The following PPP2R3B variants were observed in gnomAD, a reference collection of about 807,000 sequenced individuals.
PPP2R3B encodes the protein protein phosphatase 2 regulatory subunit B''beta.
PPP2R3B carries 68 observed loss-of-function variants against 72.9 expected under a neutral mutation model. The observed-to-expected ratio is 0.93, with a 90% CI of 0.77 to 1.14. PPP2R3B has a LOEUF of 1.14. PPP2R3B is among the 50% of genes most tolerant of loss of function. PPP2R3B has a pLI of 0.00. For synonymous variants in PPP2R3B, 466 were observed against 375.8 expected (o/e 1.24, Z -2.78); for missense variants, 1,018 against 842.0 (o/e 1.21, Z -2.59).
intron 2 of PPP2R3B, among the ~76,000 whole-genome samples, chrX:354,285 C>T (rs1221276411): frequency 2.8e-5 from 4 of 141,548 alleles, no homozygotes; most frequent in Admixed American, 1.4e-4. Flanking sequence ...ACCCAAACAC[C>T]GGGGCTGCCT....
intron 12 of PPP2R3B, chrX:338,204 G>A (rs2070942388): frequency 5.6e-6 from 2 of 359,474 alleles, no homozygotes; most frequent in South Asian, 3.4e-5. Context: ...GCCTCTCAGG[G>A]CCTCCAAGGC....
chrX:372,784 C>T (rs1476292730), intron 1 of PPP2R3B, among the ~76,000 whole-genome samples: 2 of 152,140 alleles, frequency 1.3e-5, no homozygotes, highest in African/African-American at 4.8e-5. Context: ...ATGGTGAAAC[C>T]CCGTCCCTAC....
chrX:361,923 T>A (rs2071550469), intron 1 of PPP2R3B, among the ~76,000 whole-genome samples: 1 of 151,784 alleles, frequency 6.6e-6, no homozygotes, highest in East Asian at 2.0e-4. Context: ...CACTCCCGAT[T>A]CCCATGAGCC....
intron 2 of PPP2R3B, among the ~76,000 whole-genome samples, chrX:355,235 TA>T: frequency 6.6e-6 from 1 of 152,244 alleles, no homozygotes. Context: ...ACAATCATAT[TA>T]AAGTAAAAAA....
Position 370,459 on chromosome X carries a change from G to A in PPP2R3B, c.325-8869C>T, listed in dbSNP as rs188311482. On this transcript the variant is annotated intron_variant, in intron 1 of 12. Coordinates refer to ENST00000390665, the MANE Select transcript of PPP2R3B (RefSeq NM_013239.5). ...ACAGAGCTCGGAAGGCTGGGCTGGG[G>A]GACGTGGGGATCATTCTGTCCACCA... Among the ~76,000 whole-genome samples, 1,274 of 152,270 alleles carry A rather than the reference G, an allele frequency of 8.4e-3. 13 individuals carry two copies. The highest frequency in any genetic ancestry group is 0.029 in the African/African-American group (1,213 of 41,560).
chrX:349,349 G>T (rs950354606), intron 2 of PPP2R3B, among the ~76,000 whole-genome samples: 25 of 151,982 alleles, frequency 1.6e-4, no homozygotes, highest in African/African-American at 6.0e-4. Flanking sequence ...TCTTGCTGGT[G>T]ACAAGCTGCC....
intron 3 of PPP2R3B, 25 bp downstream of exon 3, chrX:347,565 G>GC (rs1373318602): frequency 6.4e-7 from 1 of 1,555,782 alleles, no homozygotes; most frequent in Non-Finnish European, 8.7e-7. Flanking sequence ...TCCCGACACA[G>GC]CCCCCTGCCC....
chrX:374,377 C>T (rs1440313332), intron 1 of PPP2R3B, among the ~76,000 whole-genome samples: 2 of 152,236 alleles, frequency 1.3e-5, no homozygotes, highest in African/African-American at 2.4e-5. Context: ...CAAAGCGCGC[C>T]GGCATCTCCG....
chrX:384,282 CTATA>C (rs57842842), intron 1 of PPP2R3B, among the ~76,000 whole-genome samples: 7 of 140,086 alleles, frequency 5.0e-5, no homozygotes, highest in Non-Finnish European at 9.1e-5. Flanking sequence ...CTCTCTCTCT[CTATA>C]TATATATATA....
At chrX:376,147 C>G (rs368736016) in intron 1 of PPP2R3B, among the ~76,000 whole-genome samples, 225 of 151,516 alleles carry the variant, frequency 1.5e-3, no homozygotes, top group African/African-American at 5.1e-3. Context: ...GCCGAGATTG[C>G]GCCACTGCAC....
At chrX:356,193 A>C (rs2071430521) in intron 2 of PPP2R3B, among the ~76,000 whole-genome samples, 1 of 152,114 alleles carries the variant, frequency 6.6e-6, no homozygotes, top group Non-Finnish European at 1.5e-5. Flanking sequence ...ACTCAGGGCC[A>C]CCCCGGAAGC....
intron 2 of PPP2R3B, among the ~76,000 whole-genome samples, chrX:353,971 G>A (rs975377726): frequency 6.7e-6 from 1 of 150,268 alleles, no homozygotes; most frequent in Admixed American, 6.6e-5. Flanking sequence ...AAAGACCAGG[G>A]CTCACCCAAA....
At chrX:346,093 G>GTGGAGGA (rs2071202934) in intron 6 of PPP2R3B, 81 bp downstream of exon 6, 13 of 602,564 alleles carry the variant, frequency 2.2e-5, no homozygotes, top group South Asian at 3.6e-5. Flanking sequence ...AGGAGGGAGG[G>GTGGAGGA]GGGAGGAGGG....
intron 7 of PPP2R3B, chrX:345,278 C>T (rs1438101570): frequency 1.4e-6 from 1 of 702,598 alleles, no homozygotes; most frequent in South Asian, 1.5e-5. Context: ...CCCACACTGA[C>T]CCTGTAGACG....
intron 1 of PPP2R3B, among the ~76,000 whole-genome samples, chrX:383,865 A>C (rs1416354257): frequency 1.4e-5 from 2 of 146,474 alleles, no homozygotes; most frequent in African/African-American, 2.5e-5. Context: ...AAAAAAAAAA[A>C]AACCAAAAAA....
At chrX:335,317 G>GGGCC (rs2070858989) in intron 12 of PPP2R3B, 1 of 152,380 alleles carries the variant, frequency 6.6e-6, no homozygotes, top group South Asian at 2.1e-4. Context: ...CTAGGTCTGG[G>GGGCC]GGCCACAGCT....
intron 2 of PPP2R3B, among the ~76,000 whole-genome samples, chrX:357,429 C>T (rs2738387): frequency 0.29 from 43,598 of 151,758 alleles, 6,688 homozygotes; most frequent in East Asian, 0.38. Context: ...AAAAGATGAC[C>T]ATAGATATTC....
intron 12 of PPP2R3B, chrX:338,237 G>T (rs1289084164): frequency 1.7e-5 from 7 of 411,662 alleles, no homozygotes; most frequent in African/African-American, 1.4e-4. Context: ...GCGGAGGCTG[G>T]AATGGCCACG....
intron 1 of PPP2R3B, among the ~76,000 whole-genome samples, chrX:369,139 C>T (rs529354321): frequency 1.5e-4 from 23 of 152,316 alleles, no homozygotes; most frequent in Middle Eastern, 6.8e-3. Flanking sequence ...GACTGCTGCC[C>T]TGCCCCAAAC....
Sources: gnomAD v4.1 joint callset for allele counts (sites outside exome capture counted in the v4.1 genomes callset) on GRCh38, gnomAD v4.1.1 for gene constraint, MANE v1.5 for transcripts, NCBI Gene and HGNC (gene_info 2026-07-23, HGNC 2026-07-21) for gene names.